Variants in ANXA5 observed in about 807,000 individuals in gnomAD.
ANXA5 encodes CBP-I.
A neutral mutation model predicts 48.1 loss-of-function variants in ANXA5; 40 were observed. The observed-to-expected ratio is 0.83, with a 90% CI of 0.65 to 1.08. The LOEUF (loss-of-function observed/expected upper bound fraction) is 1.08. ANXA5 is among the 50% of genes least tolerant of loss of function. The pLI, the probability that ANXA5 is intolerant of heterozygous loss-of-function variation, is 0.00. For synonymous variants in ANXA5, 113 were observed against 129.1 expected (o/e 0.88, Z 0.85); for missense variants, 357 against 376.8 (o/e 0.95, Z 0.44).
chr4:121,685,793 T>A (rs981538336), intron 3 of ANXA5, among the ~76,000 whole-genome samples: 1 of 152,194 alleles, frequency 6.6e-6, no homozygotes, highest in Non-Finnish European at 1.5e-5. Flanking sequence ...GCTGCCCACC[T>A]GCAGGGATGG....
rs1380951827 is a variant in ANXA5, at chr4:121,668,174, A to G, written c.*294T>C. On this transcript the variant is annotated 3_prime_UTR_variant, in exon 13 of 13. Coordinates refer to ENST00000296511, the MANE Select transcript of ANXA5 (RefSeq NM_001154.4). ...AATGTAATATAAATGGAGTTTTTAA[A>G]AAAGGCTAAAAGCACTCTAGCCTCT... 4.2e-6 allele frequency: 1 copy of G among 238,190 alleles called. No individual in the cohort carries two copies. 14.8% of individuals were successfully genotyped at this position (238,190 alleles called of 1,614,324 possible).
chr4:121,677,305 A>G (rs1724715128), intron 8 of ANXA5, among the ~76,000 whole-genome samples: 1 of 152,154 alleles, frequency 6.6e-6, no homozygotes, highest in African/African-American at 2.4e-5. Context: ...CATGTTTCAA[A>G]TTTCCTTTCC....
chr4:121,669,425 G>A, intron 12 of ANXA5, 177 bp downstream of exon 12: 2 of 742,622 alleles, frequency 2.7e-6, no homozygotes, highest in Non-Finnish European at 4.4e-6. Context: ...CTTTCACTTG[G>A]GAGCCATCAT....
intron 2 of ANXA5, among the ~76,000 whole-genome samples, chr4:121,687,779 T>C (rs758008579): frequency 3.0e-4 from 46 of 152,144 alleles, no homozygotes; most frequent in Non-Finnish European, 5.3e-4. Flanking sequence ...ATCCAGGAGA[T>C]AGTGACAAAG....
chr4:121,679,626 G>GT (rs1417568283), intron 6 of ANXA5, among the ~76,000 whole-genome samples: 6 of 151,964 alleles, frequency 3.9e-5, no homozygotes, highest in African/African-American at 1.5e-4. Context: ...GGCCCTCTCC[G>GT]TCCCTCAATA....
Position 121,668,395 on chromosome 4 carries a change from T to G in ANXA5, c.*73A>C. 7.5e-7 allele frequency: 1 copy of G among 1,337,142 alleles called. No homozygotes were observed. Among genetic ancestry groups the G allele is most frequent in the African/African-American group, 1.4e-5 (1 of 69,326 alleles). 82.8% of individuals were successfully genotyped at this position (1,337,142 alleles called of 1,614,324 possible). ...AATGTGTTAAGCACTGGCATACAAA[T>G]GCAGCTAAAGGTGCTGAAGGAAGGC... On this transcript the variant is annotated 3_prime_UTR_variant, in exon 13 of 13. Coordinates refer to ENST00000296511, the MANE Select transcript of ANXA5 (RefSeq NM_001154.4).
At chr4:121,670,198 T>C (rs2306421) in intron 10 of ANXA5, among the ~76,000 whole-genome samples, 186 bp from the exon 11 acceptor site, 31,953 of 152,182 alleles carry the variant, frequency 0.21, 4,094 homozygotes, top group Non-Finnish European at 0.29. Context: ...GACACTGGCT[T>C]AGGTTTTCCT....
At chr4:121,670,113 A>G (rs1724589256) in intron 10 of ANXA5, 101 bp from the exon 11 acceptor site, 2 of 796,254 alleles carry the variant, frequency 2.5e-6, no homozygotes. Context: ...CTCTACTTCT[A>G]TAAAAACACA....
intron 2 of ANXA5, 112 bp from the exon 3 acceptor site, chr4:121,686,484 AC>A: frequency 1.3e-6 from 1 of 793,316 alleles, no homozygotes; most frequent in Non-Finnish European, 2.1e-6. Context: ...AAATAAATTT[AC>A]CATTTGATAA....
intron 3 of ANXA5, 28 bp downstream of exon 3, chr4:121,686,260 T>C: frequency 6.5e-7 from 1 of 1,540,990 alleles, no homozygotes; most frequent in Non-Finnish European, 9.0e-7. Flanking sequence ...ATATCACATT[T>C]GCTTTAGAAA....
chr4:121,676,838 A>T (rs933717549), intron 8 of ANXA5, among the ~76,000 whole-genome samples: 1 of 152,152 alleles, frequency 6.6e-6, no homozygotes, highest in Non-Finnish European at 1.5e-5. Flanking sequence ...AACAACACAC[A>T]GATAACAAAG....
chr4:121,692,808 C>T (rs1309464987), intron 2 of ANXA5, among the ~76,000 whole-genome samples: 1 of 152,222 alleles, frequency 6.6e-6, no homozygotes, highest in Non-Finnish European at 1.5e-5. Context: ...CTTGGCAATG[C>T]ATCTATTATA....
intron 8 of ANXA5, among the ~76,000 whole-genome samples, chr4:121,675,487 A>G (rs1394262210): frequency 1.3e-5 from 2 of 152,226 alleles, no homozygotes; most frequent in Non-Finnish European, 2.9e-5. Context: ...CAACAGGTTT[A>G]TTAATTAATA....
Position 121,686,329 on chromosome 4 carries a change from C to G in ANXA5, c.53G>C (p.Arg18Pro). ...CTTCCGAAGAGTTTCTGCATCAGCC[C>G]GCTCATCAAATCCAGGGAAGTCAGT... ...TVTDFPGFDE[R>P]ADAETLRKAM... Residue 18 changes from arginine to proline, a missense_variant, in exon 3 of 13, where the codon CGG (arginine) becomes CCG (proline). Coordinates refer to ENST00000296511, the MANE Select transcript of ANXA5 (RefSeq NM_001154.4). 3.7e-6 allele frequency: 6 copies of G among 1,614,080 alleles called. No homozygotes were observed. Among genetic ancestry groups the G allele is most frequent in the Non-Finnish European group, 5.1e-6 (6 of 1,179,988 alleles).
At chr4:121,679,586 T>C (rs1262511200) in intron 6 of ANXA5, among the ~76,000 whole-genome samples, 1 of 152,100 alleles carries the variant, frequency 6.6e-6, no homozygotes, top group Non-Finnish European at 1.5e-5. Context: ...CCTCCCACAA[T>C]GGACATGCAC....
chr4:121,687,631 T>A (rs922184203), intron 2 of ANXA5, among the ~76,000 whole-genome samples: 1 of 152,156 alleles, frequency 6.6e-6, no homozygotes, highest in Non-Finnish European at 1.5e-5. Context: ...ATAATACTAA[T>A]CAAATTTTAA....
Position 121,693,240 on chromosome 4 carries a change from G to GA in ANXA5, c.9+3340dup, listed in dbSNP as rs1217967752. ...CAAAGCGAGACTCCATCTCGGGGGAGAAAAAAAAAAACCCAAAAAACTAGT... is the reference window on the plus strand; with the variant it reads ...CAAAGCGAGACTCCATCTCGGGGGAGAAAAAAAAAAAACCCAAAAAACTAGT... On this transcript the variant is annotated intron_variant, in intron 2 of 12. Coordinates refer to ENST00000296511, the MANE Select transcript of ANXA5 (RefSeq NM_001154.4). 5.9e-4 allele frequency among the ~76,000 whole-genome samples: 84 copies of GA among 142,436 alleles called. No homozygotes were observed. In the East Asian group the frequency reaches 7.7e-3, roughly 13 times the overall value. 93.4% of individuals were successfully genotyped at this position (142,436 alleles called of 152,430 possible). A position where few individuals can be genotyped will look rare whatever the true frequency, so the allele number is the denominator to read the frequency against.
chr4:121,696,063 A>C (rs959007174), intron 2 of ANXA5, among the ~76,000 whole-genome samples: 7 of 151,894 alleles, frequency 4.6e-5, no homozygotes, highest in African/African-American at 1.7e-4. Context: ...AAAAAATCAG[A>C]GCCTACGTCC....
At chr4:121,696,547 TA>T in intron 2 of ANXA5, 33 bp downstream of exon 2, 1 of 1,366,132 alleles carries the variant, frequency 7.3e-7, no homozygotes, top group Non-Finnish European at 9.5e-7. Context: ...AAGTTGTGGG[TA>T]AATCCAGCGC....
Sources: allele counts gnomAD v4.1 joint callset (sites outside exome capture counted in the v4.1 genomes callset), GRCh38; gene constraint gnomAD v4.1.1; transcripts MANE v1.5; gene names NCBI Gene and HGNC (gene_info 2026-07-23, HGNC 2026-07-21).